Variants in PTGER4 observed in about 807,000 individuals in gnomAD.
PTGER4 encodes the protein prostaglandin E receptor 4.
A neutral mutation model predicts 33.2 loss-of-function variants in PTGER4; 11 were observed. That is an observed-to-expected ratio of 0.33 (90% CI 0.21 to 0.55). The LOEUF is 0.55. Among genes scored for constraint, PTGER4 ranks in the 20% least tolerant of loss-of-function variants. The probability of loss-of-function intolerance (pLI) is 0.92; values close to 1 mark genes in which losing one functional copy is unlikely to be tolerated. For synonymous variants in PTGER4, 275 were observed against 281.5 expected (o/e 0.98, Z 0.23); for missense variants, 481 against 650.2 (o/e 0.74, Z 2.83).
the PTGER4 span, among the ~76,000 whole-genome samples, chr5:40,734,008 T>G: frequency 1.3e-5 from 2 of 152,230 alleles, no homozygotes; most frequent in Non-Finnish European, 1.5e-5. Flanking sequence ...GCATAACCAT[T>G]GCTGCCAGCA....
chr5:40,717,337 A>T, the PTGER4 span, among the ~76,000 whole-genome samples: 438 of 152,286 alleles, frequency 2.9e-3, 2 homozygotes, highest in African/African-American at 0.01. Flanking sequence ...AGAAGCACAG[A>T]AAGAGTAGAA....
At chr5:40,727,615 C>T in the PTGER4 span, among the ~76,000 whole-genome samples, 1 of 152,170 alleles carries the variant, frequency 6.6e-6, no homozygotes, top group African/African-American at 2.4e-5. Flanking sequence ...CACCATTACC[C>T]TCCCATATTC....
the PTGER4 span, among the ~76,000 whole-genome samples, chr5:40,698,894 C>A: frequency 6.6e-6 from 1 of 152,092 alleles, no homozygotes; most frequent in African/African-American, 2.4e-5. Context: ...AGAATTATCA[C>A]GTTTGTAGCC....
chr5:40,684,234 T>C (rs1167379910), intron 2 of PTGER4, among the ~76,000 whole-genome samples: 6 of 151,684 alleles, frequency 4.0e-5, no homozygotes, highest in Non-Finnish European at 8.8e-5. Flanking sequence ...TTCATATTCA[T>C]GTTGTAAATT....
rs541643806 is a variant in PTGER4 at position 40,681,616 on chromosome 5, G to C, written c.623G>C (p.Gly208Ala). 1 of 1,606,078 alleles carries C rather than the reference G, an allele frequency of 6.2e-7. No homozygotes were observed. The highest frequency in any genetic ancestry group is 1.7e-5 in the Admixed American group (1 of 60,000). ...GTCCTCTGCAACGTGCTTGTGTGCG[G>C]CGCGCTGCTCCGCATGCACCGCCAG... The part of the protein sequence containing the change: ...ATVLCNVLVC[G>A]ALLRMHRQFM... The change falls in exon 2 of 3, where the codon GGC becomes GCC. Residue 208 changes from glycine (G) to alanine (A), a missense_variant. Transcript: ENST00000302472. This position sits in a 1 kb window ranked among gnomAD's most constrained non-coding sequence, Gnocchi z 9.8.
the PTGER4 span, among the ~76,000 whole-genome samples, chr5:40,704,591 C>T: frequency 6.6e-6 from 1 of 152,184 alleles, no homozygotes; most frequent in East Asian, 1.9e-4. Context: ...TAGTCTCAGA[C>T]CAAACACTCC....
downstream of PTGER4, among the ~76,000 whole-genome samples, chr5:40,695,500 C>A (rs946162584): frequency 6.6e-6 from 1 of 152,066 alleles, no homozygotes; most frequent in Non-Finnish European, 1.5e-5. Flanking sequence ...GAGCCGAGAT[C>A]GTGCGACTGA....
At chr5:40,697,388 C>G (rs1741637954), downstream of PTGER4, among the ~76,000 whole-genome samples, 1 of 151,788 alleles carries the variant, frequency 6.6e-6, no homozygotes, top group African/African-American at 2.4e-5. Flanking sequence ...GAGTTCAAAA[C>G]CAGCCTAACC....
chr5:40,728,221 T>A, the PTGER4 span: 1 of 726,486 alleles, frequency 1.4e-6, no homozygotes, highest in Non-Finnish European at 2.0e-6. Flanking sequence ...GAGGCGGAGG[T>A]TGCCGTGAGC....
rs1741162775 is a variant in PTGER4 at position 40,680,804 on chromosome 5, G to T, written c.-43-147G>T. 9 of 691,054 alleles carry T rather than the reference G, an allele frequency of 1.3e-5. No homozygotes were observed. Among genetic ancestry groups the T allele is most frequent in the Non-Finnish European group, 2.2e-5 (9 of 416,246 alleles). The allele number at this position is 691,054 out of a possible 1,614,324, so 42.8% of individuals were successfully genotyped here. A position where few individuals can be genotyped will look rare whatever the true frequency, so the allele number is the denominator to read the frequency against. Reference sequence around the variant, plus strand: ...CGCGAGCCTGGAGATTTTGGTGGCCGCAGTTGGTAAGTGGCTACAATCCAG... The same window carrying T: ...CGCGAGCCTGGAGATTTTGGTGGCCTCAGTTGGTAAGTGGCTACAATCCAG... On this transcript the variant is annotated intron_variant, in intron 1 of 2. Transcript: ENST00000302472. This position sits in a 1 kb window ranked among gnomAD's most constrained non-coding sequence, Gnocchi z 5.5.
At chr5:40,696,711 T>A (rs1741589089), downstream of PTGER4, 1 of 984,556 alleles carries the variant, frequency 1.0e-6, no homozygotes, top group Non-Finnish European at 1.2e-6. Flanking sequence ...CAGTCACTTT[T>A]CCTAAGAACG....
the PTGER4 span, chr5:40,716,239 A>G: frequency 1.2e-6 from 2 of 1,614,084 alleles, no homozygotes; most frequent in African/African-American, 1.3e-5. Flanking sequence ...AGACACAATA[A>G]CCATTGTTTT....
chr5:40,743,576 C>T, the PTGER4 span, among the ~76,000 whole-genome samples: 1 of 151,910 alleles, frequency 6.6e-6, no homozygotes, highest in Non-Finnish European at 1.5e-5. Flanking sequence ...GGTTCAAGAC[C>T]AGCCTGGCCA....
chr5:40,710,789 A>T, the PTGER4 span, among the ~76,000 whole-genome samples: 1 of 152,196 alleles, frequency 6.6e-6, no homozygotes, highest in Non-Finnish European at 1.5e-5. Flanking sequence ...GACATGGATG[A>T]AGCTGGAAAC....
chr5:40,681,777 C>G lies in PTGER4; in HGVS notation c.784C>G (p.Arg262Gly). 2 of 1,595,972 alleles carry G rather than the reference C, an allele frequency of 1.3e-6. No individual in the cohort carries two copies. The highest frequency in any genetic ancestry group is 3.4e-5 in the Admixed American group (2 of 58,186). The change falls in exon 2 of 3, where the codon CGC (arginine) becomes GGC (glycine). Residue 262 changes from arginine to glycine, a missense_variant. Transcript: ENST00000302472. This position sits in a 1 kb window ranked among gnomAD's most constrained non-coding sequence, Gnocchi z 9.8. The stretch of plus-strand genomic sequence containing the variant: ...CTTTCGGCGCCGCCGGAGCTTCCGC[C>G]GCATCGCGGGCGCCGAGATCCAGAT... ...SDFRRRRSFR[R>G]IAGAEIQMVI...
the PTGER4 span, among the ~76,000 whole-genome samples, chr5:40,711,070 G>A: frequency 6.6e-6 from 1 of 151,610 alleles, no homozygotes; most frequent in East Asian, 1.9e-4. Context: ...AGAACTTAAT[G>A]TATAATAAAA....
chr5:40,738,572 A>AATAAAATAAAATAAAATAAAAT, the PTGER4 span, among the ~76,000 whole-genome samples: 2 of 76,708 alleles, frequency 2.6e-5, no homozygotes, highest in African/African-American at 1.1e-4. Context: ...TAAAATATAA[A>AATAAAATAAAATAAAATAAAAT]ATAAAATAAA....
rs1002274196 is a variant in PTGER4 at position 40,680,980 on chromosome 5, C to G, written c.-14C>G. On this transcript the variant is annotated 5_prime_UTR_variant, in exon 2 of 3. Transcript: ENST00000302472. The surrounding 1 kb of genome is among the most constrained non-coding windows in gnomAD (Gnocchi z 5.5). The stretch of plus-strand genomic sequence containing the variant: ...AGCCTTGCACTCCAAGGCTGCGCAC[C>G]GCCAGCCACTATCATGTCCACTCCC... 1.1e-5 allele frequency: 17 copies of G among 1,595,234 alleles called. No homozygotes were observed. The highest frequency in any genetic ancestry group is 1.5e-5 in the Non-Finnish European group (17 of 1,170,142).
the PTGER4 span, among the ~76,000 whole-genome samples, chr5:40,729,717 G>A: frequency 6.6e-6 from 1 of 151,790 alleles, no homozygotes; most frequent in African/African-American, 2.4e-5. Flanking sequence ...TTATTTTTTT[G>A]AGATGGAGTC....
Sources: allele counts gnomAD v4.1 joint callset (sites outside exome capture counted in the v4.1 genomes callset), GRCh38; gene constraint gnomAD v4.1.1; non-coding constraint Gnocchi (gnomAD v3.1); transcripts MANE v1.5; gene names NCBI Gene and HGNC (gene_info 2026-07-23, HGNC 2026-07-21).